PLCH1: variants seen among roughly 807,000 people sequenced by gnomAD.
PLCH1 encodes phospholipase C eta 1.
PLCH1 carries 60 observed loss-of-function variants against 126.7 expected under a neutral mutation model. The ratio of observed to expected loss-of-function variants is 0.47; its 90% CI spans 0.38 to 0.59. The LOEUF (loss-of-function observed/expected upper bound fraction) is 0.59. Ranked by LOEUF, PLCH1 falls within the 20% of genes least tolerant of loss-of-function variation. PLCH1 has a pLI of 0.00. For missense variants in PLCH1, 1,723 were observed against 2,040.0 expected, an observed-to-expected ratio of 0.84 and a Z score of 2.99; for synonymous variants, 719 against 734.9, an observed-to-expected ratio of 0.98 and a Z score of 0.35.
intron 4 of PLCH1, 26 bp downstream of exon 4, chr3:155,593,915 T>A (rs1355461126): frequency 6.2e-7 from 1 of 1,610,882 alleles, no homozygotes; most frequent in South Asian, 1.1e-5. Flanking sequence ...AAGAGAGAGC[T>A]GAAAATAAAG....
intron 2 of PLCH1, among the ~76,000 whole-genome samples, chr3:155,688,824 A>T (rs963930557): frequency 9.2e-5 from 14 of 152,182 alleles, no homozygotes; most frequent in Admixed American, 3.3e-4. Context: ...TGGAAAGGGG[A>T]GGGAAGAGCA....
chr3:155,543,386 T>C (rs1487960715), intron 10 of PLCH1, among the ~76,000 whole-genome samples: 1 of 152,180 alleles, frequency 6.6e-6, no homozygotes, highest in Admixed American at 6.5e-5. Context: ...TATGGGACTA[T>C]GTGAAAAGAC....
At chr3:155,551,948 C>T (rs1249597345) in intron 9 of PLCH1, among the ~76,000 whole-genome samples, 2 of 152,178 alleles carry the variant, frequency 1.3e-5, no homozygotes, top group African/African-American at 4.8e-5. Context: ...CTACTTCATA[C>T]ATTGGGAAAT....
At chr3:155,631,911 T>G (rs1256976217) in intron 2 of PLCH1, among the ~76,000 whole-genome samples, 1 of 152,072 alleles carries the variant, frequency 6.6e-6, no homozygotes, top group East Asian at 1.9e-4. Flanking sequence ...CCTTTTTTTT[T>G]TTTTTTTTGT....
chr3:155,455,910 C>T (rs576859756), intron 21 of PLCH1, among the ~76,000 whole-genome samples: 57 of 152,258 alleles, frequency 3.7e-4, no homozygotes, highest in South Asian at 2.7e-3. Context: ...CTGATAAGCC[C>T]TAATAATGAG....
intron 12 of PLCH1, among the ~76,000 whole-genome samples, chr3:155,512,311 A>T (rs1185712998): frequency 2.0e-5 from 3 of 152,138 alleles, no homozygotes; most frequent in African/African-American, 4.8e-5. Flanking sequence ...TGAGTAAGAC[A>T]TTGTCCTAGG....
chr3:155,523,996 C>T lies in PLCH1; in HGVS notation c.1371G>A (p.Lys457=). ...CATCATCCCCAAGGTGATAAGGCAA[C>T]TTCTTACCCTGAAATGGAACAAAAC... The part of the protein sequence containing the change: ...LKGKILVKGK[K]LPYHLGDDAE... Residue 457 remains lysine (K), a synonymous_variant, in exon 11 of 23, where the codon AAG becomes AAA. Transcript: ENST00000460012. 1 of 1,572,612 alleles carries T rather than the reference C, an allele frequency of 6.4e-7. No individual in the cohort carries two copies.
chr3:155,601,402 T>C (rs6783986), intron 2 of PLCH1, among the ~76,000 whole-genome samples: 30,889 of 151,968 alleles, frequency 0.2, 4,018 homozygotes, highest in African/African-American at 0.37. Flanking sequence ...GCAGAAAATG[T>C]TGTAAAAAAT....
At chr3:155,727,650 A>G (rs1054942481) in intron 1 of PLCH1, among the ~76,000 whole-genome samples, 1 of 152,188 alleles carries the variant, frequency 6.6e-6, no homozygotes, top group Non-Finnish European at 1.5e-5. Flanking sequence ...GGCCTCCCAA[A>G]GTGCTGGGAT....
intron 11 of PLCH1, among the ~76,000 whole-genome samples, chr3:155,522,320 G>A (rs905482613): frequency 1.3e-5 from 2 of 152,182 alleles, no homozygotes; most frequent in Non-Finnish European, 2.9e-5. Context: ...AATATTAACT[G>A]TATAATGACA....
chr3:155,583,651 G>T lies in PLCH1; in HGVS notation c.601-9C>A, dbSNP rs775152183. On this transcript the variant is annotated splice_polypyrimidine_tract_variant and intron_variant, in intron 5 of 22. Coordinates refer to ENST00000460012, the MANE Select transcript of PLCH1 (RefSeq NM_014996.4). Reference sequence around the variant, plus strand: ...TCATCTGTGTCGGCTTCCTGAAAAGGGCATAGAGAAAATAAAGTAATATGA... The same window carrying T: ...TCATCTGTGTCGGCTTCCTGAAAAGTGCATAGAGAAAATAAAGTAATATGA... The T allele has an allele frequency of 6.5e-7, 1 of 1,543,208 alleles. No individual in the cohort carries two copies.
rs577704871 is a variant in PLCH1 at position 155,522,282 on chromosome 3, C to T, written c.1470+1615G>A. ...CATAATTAATTATAAAAAATAAATA[C>T]CTAGAGGAGAAAAAAGCAACTATTT... On this transcript the variant is annotated intron_variant, in intron 11 of 22. Coordinates refer to ENST00000460012, the MANE Select transcript of PLCH1 (RefSeq NM_014996.4). 3.3e-5 allele frequency among the ~76,000 whole-genome samples: 5 copies of T among 151,910 alleles called. No individual in the cohort carries two copies. In the East Asian group the frequency reaches 7.7e-4, roughly 23 times the overall value.
chr3:155,535,022 A>G (rs1353470040), intron 10 of PLCH1, among the ~76,000 whole-genome samples: 1 of 152,218 alleles, frequency 6.6e-6, no homozygotes, highest in East Asian at 1.9e-4. Flanking sequence ...ACAGACTAAT[A>G]AAATGAGAGA....
intron 21 of PLCH1, chr3:155,486,239 A>C: frequency 7.3e-7 from 1 of 1,375,156 alleles, no homozygotes; most frequent in Non-Finnish European, 1.0e-6. Flanking sequence ...ACAACAAAAC[A>C]CAATTGGGGC....
intron 2 of PLCH1, among the ~76,000 whole-genome samples, chr3:155,636,546 A>C (rs1047828418): frequency 3.9e-5 from 6 of 152,024 alleles, no homozygotes; most frequent in Admixed American, 1.3e-4. Flanking sequence ...TCAAGAGTTC[A>C]AGACCAGCTG....
At position 155,576,234 on chromosome 3, in the gene PLCH1, A is replaced by C. The variant is rs147459416; in HGVS notation, c.771+7238T>G. Among the ~76,000 whole-genome samples the C allele has an allele frequency of 2.8e-3, 424 of 152,306 alleles. 2 individuals carry two copies. Among genetic ancestry groups the C allele is most frequent in the Non-Finnish European group, 4.4e-3 (297 of 68,016 alleles). ...TTGGGGTGGGTGGGGAATGAAACAAAGCAAAACAAAACAAAACAAAACAAA... is the reference window on the plus strand; with the variant it reads ...TTGGGGTGGGTGGGGAATGAAACAACGCAAAACAAAACAAAACAAAACAAA... On this transcript the variant is annotated intron_variant, in intron 6 of 22. Transcript: ENST00000460012.
intron 5 of PLCH1, 86 bp from the exon 6 acceptor site, chr3:155,583,728 G>T (rs1321966150): frequency 5.5e-6 from 5 of 910,028 alleles, no homozygotes; most frequent in Non-Finnish European, 7.9e-6. Flanking sequence ...CTATAAAAGA[G>T]CTAGTACACA....
intron 10 of PLCH1, among the ~76,000 whole-genome samples, chr3:155,543,984 C>G (rs1362989318): frequency 6.6e-6 from 1 of 151,858 alleles, no homozygotes; most frequent in East Asian, 1.9e-4. Flanking sequence ...CATCAACTAA[C>G]GAGCAAATAA....
intron 8 of PLCH1, among the ~76,000 whole-genome samples, chr3:155,557,910 C>T (rs1477172004): frequency 1.3e-5 from 2 of 152,176 alleles, no homozygotes; most frequent in Non-Finnish European, 2.9e-5. Flanking sequence ...AATGCAACAT[C>T]AGTCCCATAA....
Sources: gnomAD v4.1 joint callset for allele counts (sites outside exome capture counted in the v4.1 genomes callset) on GRCh38, gnomAD v4.1.1 for gene constraint, MANE v1.5 for transcripts, NCBI Gene and HGNC (gene_info 2026-07-23, HGNC 2026-07-21) for gene names.